CASK: variants seen among roughly 807,000 people sequenced by gnomAD.
CASK encodes peripheral plasma membrane protein CASK.
In CASK, 4 loss-of-function variants were observed where a neutral mutation model predicts 82.9. That is an observed-to-expected ratio of 0.05 (90% CI 0.02 to 0.11). The LOEUF is 0.11. Ranked by LOEUF, CASK falls within the 10% of genes least tolerant of loss-of-function variation. The pLI is 1.00. For synonymous variants in CASK, 259 were observed against 253.5 expected, an observed-to-expected ratio of 1.02 and a Z score of -0.20; for missense variants, 358 against 720.9, an observed-to-expected ratio of 0.50 and a Z score of 5.76.
chrX:41,656,881 A>G (rs745489545), intron 8 of CASK, among the ~76,000 whole-genome samples: 2 of 111,894 alleles, frequency 1.8e-5, no homozygotes, highest in East Asian at 2.8e-4. Context: ...GACCAGAGCC[A>G]TAACTACCAG....
intron 3 of CASK, among the ~76,000 whole-genome samples, chrX:41,777,303 C>A (rs1440791932): frequency 5.5e-5 from 6 of 110,014 alleles, no homozygotes; most frequent in African/African-American, 1.7e-4. Flanking sequence ...ACCAGCCTAG[C>A]CAACATGGTG....
intron 5 of CASK, among the ~76,000 whole-genome samples, chrX:41,682,607 TA>T (rs2067378314): frequency 9.9e-6 from 1 of 101,437 alleles, no homozygotes; most frequent in African/African-American, 3.6e-5. Context: ...GACAGTTTGA[TA>T]AATTTTTTTT....
rs1555980007 is a variant in CASK, at chrX:41,553,822, T to G, written c.1936A>C (p.Ile646Leu). Residue 646 changes from isoleucine (I) to leucine (L), a missense_variant, in exon 21 of 27, where the codon ATC becomes CTC. Ile to Leu is a conservative substitution (Grantham distance 5). This residue lies in a region of CASK where 19 missense variants were observed against 64.8 expected (regional missense o/e 0.29). Coordinates refer to ENST00000378163, the MANE Select transcript of CASK (RefSeq NM_001367721.1). The part of the protein sequence containing the change: ...AGIRFRVGDI[I>L]QIISKDDHNW... ...TGATCATCCTTACTAATAATCTGGA[T>G]GATGTCACCAACTCTGAATCGAATG... 1 of 1,199,405 alleles carries G rather than the reference T, an allele frequency of 8.3e-7. No individual in the cohort carries two copies. Among genetic ancestry groups the G allele is most frequent in the African/African-American group, 1.8e-5 (1 of 57,008 alleles).
chrX:41,574,287 G>A (rs2065457973), intron 15 of CASK, among the ~76,000 whole-genome samples: 1 of 110,895 alleles, frequency 9.0e-6, no homozygotes, highest in Non-Finnish European at 1.9e-5. Flanking sequence ...CCTGTGCTGT[G>A]GCCTGGAAAC....
intron 5 of CASK, among the ~76,000 whole-genome samples, chrX:41,680,855 C>T (rs1486919196): frequency 1.8e-5 from 2 of 109,997 alleles, no homozygotes; most frequent in East Asian, 2.8e-4. Flanking sequence ...GTGGAGGTTG[C>T]GGTAAGCCGA....
intron 12 of CASK, chrX:41,590,042 A>G (rs2065720001): frequency 1.4e-5 from 2 of 146,535 alleles, no homozygotes; most frequent in Admixed American, 1.5e-4. Flanking sequence ...ATCTTGGGAA[A>G]GGGCAAACCC....
intron 3 of CASK, among the ~76,000 whole-genome samples, chrX:41,749,373 C>T (rs1294594511): frequency 9.9e-6 from 1 of 101,104 alleles, no homozygotes; most frequent in African/African-American, 3.6e-5. Context: ...TTATTCTTCA[C>T]CAATTTTTTT....
intron 2 of CASK, among the ~76,000 whole-genome samples, chrX:41,850,817 G>C (rs1165047828): frequency 1.8e-5 from 2 of 111,363 alleles, no homozygotes; most frequent in Non-Finnish European, 3.8e-5. Context: ...GGGAAGCACT[G>C]TTCACAGAGA....
chrX:41,542,883 G>C, intron 21 of CASK, 77 bp from the exon 22 acceptor site: 2 of 632,723 alleles, frequency 3.2e-6, no homozygotes, highest in South Asian at 5.1e-5. Context: ...TCATCCATTT[G>C]AAGAATTTAT....
intron 25 of CASK, among the ~76,000 whole-genome samples, chrX:41,527,141 G>A (rs747968798): frequency 9.0e-6 from 1 of 110,941 alleles, no homozygotes; most frequent in South Asian, 3.9e-4. Flanking sequence ...TAATGTTCAT[G>A]GGCAAATATT....
At chrX:41,613,413 T>C (rs1480537332) in intron 11 of CASK, among the ~76,000 whole-genome samples, 2 of 97,155 alleles carry the variant, frequency 2.1e-5, no homozygotes, top group African/African-American at 7.6e-5. Context: ...TGTGCTTTGT[T>C]AAACAGATGC....
At chrX:41,577,729 C>G in intron 15 of CASK, among the ~76,000 whole-genome samples, 1 of 111,501 alleles carries the variant, frequency 9.0e-6, no homozygotes, top group South Asian at 3.8e-4. Context: ...CATCAAGGAG[C>G]CTTTCCTTGA....
intron 25 of CASK, among the ~76,000 whole-genome samples, chrX:41,525,612 A>C (rs895061134): frequency 1.8e-5 from 2 of 110,930 alleles, no homozygotes; most frequent in Non-Finnish European, 3.8e-5. Context: ...CAGCTATCTC[A>C]CTCATGCCCA....
chrX:41,739,728 T>C (rs2068562997), intron 4 of CASK, among the ~76,000 whole-genome samples: 1 of 112,524 alleles, frequency 8.9e-6, no homozygotes, highest in South Asian at 3.6e-4. Flanking sequence ...AAATTTGCTT[T>C]GCAAACTAAA....
intron 5 of CASK, among the ~76,000 whole-genome samples, chrX:41,678,931 A>G (rs1340137729): frequency 9.2e-6 from 1 of 109,284 alleles, no homozygotes; most frequent in Non-Finnish European, 1.9e-5. Flanking sequence ...TAAAAAAAAA[A>G]AAAAGCCAGT....
chrX:41,897,917 G>C (rs745433359), intron 1 of CASK, among the ~76,000 whole-genome samples: 46 of 111,796 alleles, frequency 4.1e-4, no homozygotes, highest in Non-Finnish European at 6.6e-4. Flanking sequence ...TTTTTTTCTT[G>C]TATTTTCTGT....
chrX:41,722,688 A>C (rs768983515), intron 5 of CASK, among the ~76,000 whole-genome samples: 23 of 112,267 alleles, frequency 2.0e-4, no homozygotes, highest in African/African-American at 7.1e-4. Context: ...ATGTGAAAGA[A>C]AGAGGAATTA....
intron 20 of CASK, among the ~76,000 whole-genome samples, chrX:41,554,262 C>G (rs895016485): frequency 2.7e-5 from 3 of 111,671 alleles, no homozygotes; most frequent in African/African-American, 9.7e-5. Flanking sequence ...ATTGGTGATG[C>G]TGGCATTATG....
At chrX:41,549,144 A>T (rs2065061956) in intron 21 of CASK, among the ~76,000 whole-genome samples, 2 of 111,867 alleles carry the variant, frequency 1.8e-5, no homozygotes, top group Non-Finnish European at 3.8e-5. Context: ...GAAAAAACTG[A>T]TTTCTCATCT....
Sources: allele counts gnomAD v4.1 joint callset (sites outside exome capture counted in the v4.1 genomes callset), GRCh38; gene constraint gnomAD v4.1.1; regional missense constraint gnomAD v4.1.1; transcripts MANE v1.5; gene names NCBI Gene and HGNC (gene_info 2026-07-23, HGNC 2026-07-21).